The following SLC25A21 variants were observed in gnomAD, a reference collection of about 807,000 sequenced individuals.
SLC25A21 encodes the protein mitochondrial 2-oxodicarboxylate carrier.
Under a neutral mutation model 43.8 loss-of-function variants are expected in SLC25A21, and 47 were observed. The observed-to-expected ratio is 1.07, with a 90% CI of 0.85 to 1.37. The LOEUF (loss-of-function observed/expected upper bound fraction) is 1.37. Ranked by LOEUF, SLC25A21 falls within the 40% of genes most tolerant of loss-of-function variation. The pLI is 0.00. For missense variants in SLC25A21, 352 were observed against 350.2 expected, an observed-to-expected ratio of 1.00 and a Z score of -0.04; for synonymous variants, 131 against 121.3, an observed-to-expected ratio of 1.08 and a Z score of -0.52.
In SLC25A21 at chr14:36,679,649, G is replaced by GCAGA. The variant is rs1199266590; in HGVS notation, c.*1005_*1008dup. 8 of 985,162 alleles carry GCAGA rather than the reference G, an allele frequency of 8.1e-6. No individual in the cohort carries two copies. The highest frequency in any genetic ancestry group is 3.5e-5 in the African/African-American group (2 of 57,184). The allele number at this position is 985,162 out of a possible 1,614,324, so 61.0% of individuals were successfully genotyped here. Reference sequence around the variant, plus strand: ...CCTTCATCATACATATTTTAATACTGCAGACAGCTGACTTCCCACCTGAAG... The same window carrying GCAGA: ...CCTTCATCATACATATTTTAATACTGCAGACAGACAGCTGACTTCCCACCTGAAG... On this transcript the variant is annotated 3_prime_UTR_variant, in exon 10 of 10. Transcript: ENST00000331299.
intron 1 of SLC25A21, among the ~76,000 whole-genome samples, chr14:37,171,127 AGGGGAGGGGAGGGGT>A (rs1423204920): frequency 7.9e-4 from 1 of 1,270 alleles, no homozygotes; most frequent in African/African-American, 2.9e-3. Context: ...AGGGGAGGGG[AGGGGAGGGGAGGGGT>A]GGGGAGGGGA....
intron 1 of SLC25A21, among the ~76,000 whole-genome samples, chr14:37,103,901 ACT>A (rs1254594473): frequency 1.3e-5 from 2 of 152,178 alleles, no homozygotes; most frequent in Non-Finnish European, 2.9e-5. Context: ...TTCTCAGGAT[ACT>A]TGTTACCCAC....
At chr14:37,161,989 CT>C (rs1963951855) in intron 1 of SLC25A21, among the ~76,000 whole-genome samples, 1 of 126,520 alleles carries the variant, frequency 7.9e-6, no homozygotes, top group Admixed American at 8.1e-5. Context: ...AAAAAGAAAT[CT>C]AATATTAAAA....
In SLC25A21 at chr14:37,116,221, T is replaced by G. The variant is rs1450231956; in HGVS notation, c.70+56060A>C. 3.9e-5 allele frequency among the ~76,000 whole-genome samples: 6 copies of G among 152,168 alleles called. 1 individual carries two copies. The highest frequency in any genetic ancestry group is 8.8e-5 in the Non-Finnish European group (6 of 68,006). On this transcript the variant is annotated intron_variant, in intron 1 of 9. Transcript: ENST00000331299. ...TTCAATTTTCATAACACACAGCACA[T>G]GTACAATACCCTCTCTCAAGATGAG...
Position 37,040,934 on chromosome 14 carries a change from T to C in SLC25A21, c.70+131347A>G, listed in dbSNP as rs539738107. Among the ~76,000 whole-genome samples, 7 of 151,926 alleles carry C rather than the reference T, an allele frequency of 4.6e-5. No individual in the cohort carries two copies. The East Asian group carries it at 1.4e-3, about 29-fold the overall frequency. ...GCTTTGAGGAAGATGATAAATTCAT[T>C]CTAATATTGTGAGTTTGATGTTGTA... is the stretch of plus-strand genomic sequence containing the variant. On this transcript the variant is annotated intron_variant, in intron 1 of 9. Coordinates refer to ENST00000331299, the MANE Select transcript of SLC25A21 (RefSeq NM_030631.4).
At chr14:36,865,215 A>G (rs536356135) in intron 2 of SLC25A21, among the ~76,000 whole-genome samples, 140 of 149,100 alleles carry the variant, frequency 9.4e-4, no homozygotes, top group African/African-American at 3.1e-3. Context: ...CTGGCTTCAC[A>G]CTCTCTGCTG....
chr14:36,679,002 A>AAAG lies in SLC25A21; in HGVS notation c.*1653_*1655dup, dbSNP rs1379845424. On this transcript the variant is annotated 3_prime_UTR_variant, in exon 10 of 10. Coordinates refer to ENST00000331299, the MANE Select transcript of SLC25A21 (RefSeq NM_030631.4). ...TATTTCCTCTATCTCATAGATGGTA[A>AAAG]AAGTGTTGCTTTTAAACTGGCAAAT... 1.5e-5 allele frequency: 14 copies of AAAG among 944,196 alleles called. No individual in the cohort carries two copies. In the African/African-American group the frequency reaches 2.9e-4, roughly 20 times the overall value. 58.5% of individuals were successfully genotyped at this position (944,196 alleles called of 1,614,324 possible). A position where few individuals can be genotyped will look rare whatever the true frequency, so the allele number is the denominator to read the frequency against.
chr14:37,005,090 C>T (rs575087974), intron 1 of SLC25A21, among the ~76,000 whole-genome samples: 2 of 152,064 alleles, frequency 1.3e-5, no homozygotes, highest in South Asian at 2.1e-4. Context: ...ATAATCGAAT[C>T]CCCTAAGGAT....
At chr14:36,858,565 C>A (rs1284013720) in intron 2 of SLC25A21, among the ~76,000 whole-genome samples, 1 of 152,084 alleles carries the variant, frequency 6.6e-6, no homozygotes, top group Non-Finnish European at 1.5e-5. Flanking sequence ...AAATATTGAA[C>A]CCTGAGTTTG....
At chr14:36,850,730 C>G (rs1009971900) in intron 2 of SLC25A21, among the ~76,000 whole-genome samples, 1 of 152,256 alleles carries the variant, frequency 6.6e-6, no homozygotes, top group East Asian at 1.9e-4. Flanking sequence ...GCACAGGGCA[C>G]GAAAGCCTGA....
intron 1 of SLC25A21, among the ~76,000 whole-genome samples, chr14:37,029,734 C>G (rs920178527): frequency 5.3e-5 from 8 of 150,608 alleles, no homozygotes; most frequent in Admixed American, 5.3e-4. Flanking sequence ...TTGACGCCCC[C>G]AAAACTTAAC....
At chr14:37,036,416 T>C (rs1427305448) in intron 1 of SLC25A21, among the ~76,000 whole-genome samples, 1 of 136,464 alleles carries the variant, frequency 7.3e-6, no homozygotes, top group Non-Finnish European at 1.7e-5. Flanking sequence ...ACACACACAG[T>C]AAAACTTAGC....
chr14:36,718,044 A>G (rs1227583940), intron 6 of SLC25A21, among the ~76,000 whole-genome samples: 1 of 152,126 alleles, frequency 6.6e-6, no homozygotes, highest in Non-Finnish European at 1.5e-5. Flanking sequence ...TTACAAAATT[A>G]TATTAATATT....
intron 1 of SLC25A21, among the ~76,000 whole-genome samples, chr14:36,939,303 AGG>A (rs1892499331): frequency 6.6e-6 from 1 of 151,656 alleles, no homozygotes; most frequent in Non-Finnish European, 1.5e-5. Context: ...AGCTGGAGCC[AGG>A]GGTGGGGGGG....
intron 3 of SLC25A21, among the ~76,000 whole-genome samples, chr14:36,778,953 A>G (rs1326743120): frequency 1.3e-5 from 2 of 151,970 alleles, no homozygotes; most frequent in African/African-American, 4.8e-5. Flanking sequence ...GAAAGTTTGT[A>G]TGCTTTGACC....
intron 1 of SLC25A21, among the ~76,000 whole-genome samples, chr14:36,961,781 T>A (rs1317057304): frequency 6.6e-6 from 1 of 152,188 alleles, no homozygotes; most frequent in Non-Finnish European, 1.5e-5. Context: ...CACATGAAAG[T>A]AGAGAGGCAT....
At chr14:36,804,890 T>C (rs910970430) in intron 3 of SLC25A21, among the ~76,000 whole-genome samples, 2 of 152,208 alleles carry the variant, frequency 1.3e-5, no homozygotes, top group Admixed American at 6.5e-5. Flanking sequence ...ATTTTGGTTT[T>C]GGTAAAGCCA....
At chr14:36,840,900 C>T (rs889379102) in intron 2 of SLC25A21, among the ~76,000 whole-genome samples, 3 of 152,206 alleles carry the variant, frequency 2.0e-5, no homozygotes, top group South Asian at 2.1e-4. Context: ...AATGCTGGTT[C>T]TACCACTTAG....
intron 2 of SLC25A21, among the ~76,000 whole-genome samples, chr14:36,856,841 G>C (rs540656332): frequency 4.6e-5 from 7 of 152,312 alleles, no homozygotes; most frequent in Admixed American, 2.0e-4. Flanking sequence ...CATGCAGTCA[G>C]ATGGAAAGAA....
Sources: allele counts gnomAD v4.1 joint callset (sites outside exome capture counted in the v4.1 genomes callset), GRCh38; gene constraint gnomAD v4.1.1; transcripts MANE v1.5; gene names NCBI Gene and HGNC (gene_info 2026-07-23, HGNC 2026-07-21).